Variants in CACNA2D3 observed in about 807,000 individuals in gnomAD.
The protein encoded by CACNA2D3 is calcium voltage-gated channel auxiliary subunit alpha2delta 3, also known as voltage-dependent calcium channel subunit alpha-2/delta-3.
CACNA2D3 carries 60 observed loss-of-function variants against 160.6 expected under a neutral mutation model. That is an observed-to-expected ratio of 0.37 (90% confidence interval 0.30 to 0.46). The LOEUF is 0.46. Among genes scored for constraint, CACNA2D3 ranks in the 20% least tolerant of loss-of-function variants. The pLI, the probability that CACNA2D3 is intolerant of heterozygous loss-of-function variation, is 1.00. For missense variants in CACNA2D3, 1,205 were observed against 1,365.0 expected (o/e 0.88, Z 1.85); for synonymous variants, 558 against 492.9 (o/e 1.13, Z -1.75).
intron 2 of CACNA2D3, among the ~76,000 whole-genome samples, chr3:54,238,596 A>G (rs1701923584): frequency 1.3e-5 from 2 of 152,234 alleles, no homozygotes; most frequent in South Asian, 2.1e-4. Flanking sequence ...TATACATGAC[A>G]GTACCTGGCA....
chr3:54,156,345 C>A (rs1309849050), intron 2 of CACNA2D3, among the ~76,000 whole-genome samples: 1 of 152,172 alleles, frequency 6.6e-6, no homozygotes, highest in Admixed American at 6.5e-5. Context: ...AATTATCCCA[C>A]CCACGGAGGA....
chr3:55,033,678 T>C (rs1212181967), intron 35 of CACNA2D3, among the ~76,000 whole-genome samples: 1 of 109,446 alleles, frequency 9.1e-6, no homozygotes, highest in Non-Finnish European at 1.9e-5. Flanking sequence ...AAAATATAAA[T>C]GTGTATATAT....
intron 11 of CACNA2D3, among the ~76,000 whole-genome samples, chr3:54,692,836 A>C (rs980410899): frequency 6.6e-6 from 1 of 152,212 alleles, no homozygotes; most frequent in African/African-American, 2.4e-5. Context: ...CTGCCTTGGC[A>C]ATTCTGTTCA....
intron 11 of CACNA2D3, among the ~76,000 whole-genome samples, chr3:54,750,416 G>T (rs1701834824): frequency 6.6e-6 from 1 of 152,164 alleles, no homozygotes; most frequent in Non-Finnish European, 1.5e-5. Context: ...TAAAGACAAA[G>T]ATTTATGAGA....
In CACNA2D3 at chr3:54,919,629, T is replaced by C. The variant is rs1176461216; in HGVS notation, c.2449+19761T>C. Among the ~76,000 whole-genome samples, 3 of 152,216 alleles carry C rather than the reference T, an allele frequency of 2.0e-5. No homozygotes were observed. In the East Asian group the frequency reaches 5.8e-4, roughly 29 times the overall value. On this transcript the variant is annotated intron_variant, in intron 27 of 37. Transcript: ENST00000474759. ...GGAATTTGGGTGGTCGGTCATTCTTTCCTAGAGAGAGCCCTGAGCTAGCAG... is the reference window on the plus strand; with the variant it reads ...GGAATTTGGGTGGTCGGTCATTCTTCCCTAGAGAGAGCCCTGAGCTAGCAG...
At chr3:54,831,761 T>G (rs1703882974) in intron 14 of CACNA2D3, among the ~76,000 whole-genome samples, 1 of 152,140 alleles carries the variant, frequency 6.6e-6, no homozygotes, top group Non-Finnish European at 1.5e-5. Flanking sequence ...TACATGGCAC[T>G]TGGGACCACC....
intron 13 of CACNA2D3, among the ~76,000 whole-genome samples, chr3:54,815,536 A>AT (rs1442655077): frequency 2.0e-5 from 3 of 152,314 alleles, no homozygotes; most frequent in Admixed American, 6.5e-5. Context: ...GTTGCTTTGC[A>AT]TTTTCTAGCA....
At chr3:54,793,073 C>T (rs905218743) in intron 13 of CACNA2D3, among the ~76,000 whole-genome samples, 5 of 152,152 alleles carry the variant, frequency 3.3e-5, no homozygotes, top group African/African-American at 4.8e-5. Flanking sequence ...GAGACTTATA[C>T]CTCTGAAGAA....
Position 54,379,347 on chromosome 3 carries a change from G to C in CACNA2D3, c.322-7368G>C, listed in dbSNP as rs1271251659. Among the ~76,000 whole-genome samples the C allele has an allele frequency of 2.0e-5, 3 of 152,214 alleles. No individual in the cohort carries two copies. The East Asian group carries it at 5.8e-4, about 29-fold the overall frequency. ...AAATAATGAAGGCTCCTTAAAAGCT[G>C]TGTTTCTCCAAAGAAATGATCACCT... On this transcript the variant is annotated intron_variant, in intron 3 of 37. Coordinates refer to ENST00000474759, the MANE Select transcript of CACNA2D3 (RefSeq NM_018398.3).
intron 27 of CACNA2D3, among the ~76,000 whole-genome samples, chr3:54,907,758 A>G (rs1700476339): frequency 6.6e-6 from 1 of 152,206 alleles, no homozygotes; most frequent in Non-Finnish European, 1.5e-5. Flanking sequence ...GCTCTAGGAA[A>G]CCACTCGTGT....
At chr3:55,003,547 C>T (rs1703027769) in intron 31 of CACNA2D3, among the ~76,000 whole-genome samples, 1 of 152,042 alleles carries the variant, frequency 6.6e-6, no homozygotes, top group African/African-American at 2.4e-5. Context: ...ACCCAGTAAC[C>T]CAATGGGGTA....
At chr3:54,687,121 C>CTTTTT (rs757838355) in intron 11 of CACNA2D3, among the ~76,000 whole-genome samples, 1,930 of 94,386 alleles carry the variant, frequency 0.02, 155 homozygotes, top group Non-Finnish European at 0.026. Context: ...TTTTCTTTTT[C>CTTTTT]TTTTTTTTTT....
intron 25 of CACNA2D3, among the ~76,000 whole-genome samples, chr3:54,893,128 T>C (rs1466488600): frequency 1.3e-5 from 2 of 152,004 alleles, no homozygotes; most frequent in Admixed American, 6.5e-5. Flanking sequence ...ATACAAAAAT[T>C]AGCCGGGCAT....
chr3:54,699,740 A>G (rs1246584575), intron 11 of CACNA2D3, among the ~76,000 whole-genome samples: 1 of 152,178 alleles, frequency 6.6e-6, no homozygotes, highest in Non-Finnish European at 1.5e-5. Context: ...TGTAGCCTAT[A>G]TAAAATGAGG....
intron 12 of CACNA2D3, 31 bp from the exon 13 acceptor site, chr3:54,764,187 C>A (rs777802155): frequency 2.5e-6 from 4 of 1,612,678 alleles, no homozygotes; most frequent in Non-Finnish European, 3.4e-6. Context: ...CTGTCTGTTA[C>A]TAAACTTGGC....
chr3:54,598,692 C>A (rs1368715399), intron 9 of CACNA2D3, among the ~76,000 whole-genome samples: 1 of 152,066 alleles, frequency 6.6e-6, no homozygotes, highest in African/African-American at 2.4e-5. Context: ...ATGGAAACAC[C>A]CAAACCACTA....
intron 2 of CACNA2D3, among the ~76,000 whole-genome samples, chr3:54,164,158 G>A (rs114930548): frequency 0.038 from 5,852 of 152,308 alleles, 160 homozygotes; most frequent in Non-Finnish European, 0.063. Context: ...CAGGGGAGGA[G>A]GACGGCTTTC....
chr3:54,466,708 C>T (rs994749557), intron 4 of CACNA2D3, among the ~76,000 whole-genome samples: 2 of 152,076 alleles, frequency 1.3e-5, no homozygotes, highest in South Asian at 2.1e-4. Context: ...TAAAAAGTGA[C>T]CAATCTCATT....
intron 4 of CACNA2D3, among the ~76,000 whole-genome samples, chr3:54,485,486 C>T (rs1559495108): frequency 6.6e-6 from 1 of 151,980 alleles, no homozygotes; most frequent in African/African-American, 2.4e-5. Context: ...CAATCAGTGT[C>T]ATTTACACTG....
Sources: allele counts gnomAD v4.1 joint callset (sites outside exome capture counted in the v4.1 genomes callset), GRCh38; gene constraint gnomAD v4.1.1; transcripts MANE v1.5; gene names NCBI Gene and HGNC (gene_info 2026-07-23, HGNC 2026-07-21).